The following RERE variants were observed in gnomAD, a reference collection of about 807,000 sequenced individuals.
The protein encoded by RERE is arginine-glutamic acid dipeptide repeats.
In RERE, 40 loss-of-function variants were observed where a neutral mutation model predicts 146.1. The observed-to-expected ratio is 0.27, with a 90% CI of 0.21 to 0.36. RERE has a LOEUF of 0.36. Among genes scored for constraint, RERE ranks in the 10% least tolerant of loss-of-function variants. The pLI is 1.00. For synonymous variants in RERE, 1,003 were observed against 866.0 expected (o/e 1.16, Z -2.78); for missense variants, 1,933 against 2,138.7 (o/e 0.90, Z 1.90).
At chr1:8,814,927 T>A (rs1641881924) in intron 1 of RERE, among the ~76,000 whole-genome samples, 1 of 152,222 alleles carries the variant, frequency 6.6e-6, no homozygotes, top group African/African-American at 2.4e-5. Context: ...AATGCAACCG[T>A]GCCTGTCAAA....
intron 10 of RERE, among the ~76,000 whole-genome samples, chr1:8,466,320 G>A (rs755187500): frequency 5.3e-5 from 8 of 152,198 alleles, no homozygotes; most frequent in East Asian, 1.9e-4. Flanking sequence ...GTTTGGCCCC[G>A]CCCAGTGCTC....
At chr1:8,789,301 A>AAAAAAAAATATATATAT in intron 1 of RERE, among the ~76,000 whole-genome samples, 1 of 24,826 alleles carries the variant, frequency 4.0e-5, no homozygotes, top group Non-Finnish European at 6.5e-5. Flanking sequence ...AAAAAAAAAA[A>AAAAAAAAATATATATAT]ATATATATAT....
At chr1:8,383,677 G>T (rs181684174) in intron 12 of RERE, among the ~76,000 whole-genome samples, 1 of 151,934 alleles carries the variant, frequency 6.6e-6, no homozygotes, top group Admixed American at 6.6e-5. Flanking sequence ...TGACCAACAC[G>T]GTGAAACTTT....
intron 10 of RERE, among the ~76,000 whole-genome samples, chr1:8,492,230 C>T (rs1250669498): frequency 1.3e-5 from 2 of 152,124 alleles, no homozygotes; most frequent in African/African-American, 4.8e-5. Flanking sequence ...ACAAAACCTT[C>T]AGAAGGAGCT....
chr1:8,680,645 A>G (rs1484162597), intron 1 of RERE, among the ~76,000 whole-genome samples: 2 of 152,174 alleles, frequency 1.3e-5, no homozygotes, highest in Admixed American at 6.5e-5. Flanking sequence ...GCTTCAGGGT[A>G]AAAAGGAAAG....
At chr1:8,362,450 A>G (rs1641620113) in intron 16 of RERE, among the ~76,000 whole-genome samples, 1 of 152,098 alleles carries the variant, frequency 6.6e-6, no homozygotes, top group East Asian at 1.9e-4. Flanking sequence ...ACTTTCTGAG[A>G]ACTTGGGAAG....
intron 1 of RERE, among the ~76,000 whole-genome samples, chr1:8,760,528 G>A (rs943802363): frequency 3.3e-5 from 5 of 152,170 alleles, no homozygotes; most frequent in African/African-American, 1.2e-4. Flanking sequence ...GGTGTGAAGG[G>A]TGAGAGGTCA....
chr1:8,815,835 GTGTGTGTA>G (rs1337274592), intron 1 of RERE, among the ~76,000 whole-genome samples: 8 of 150,086 alleles, frequency 5.3e-5, no homozygotes, highest in African/African-American at 1.5e-4. Flanking sequence ...GGTATTGTGT[GTGTGTGTA>G]TGTGTGTGTG....
intron 1 of RERE, among the ~76,000 whole-genome samples, chr1:8,682,561 T>A (rs1362750797): frequency 6.6e-6 from 1 of 152,244 alleles, no homozygotes; most frequent in Non-Finnish European, 1.5e-5. Flanking sequence ...TATGAGTGTA[T>A]TTCTTGATTT....
At position 8,706,254 on chromosome 1, in the gene RERE, G is replaced by A. The variant is rs372497164; in HGVS notation, c.-144-49813C>T. Among the ~76,000 whole-genome samples the A allele has an allele frequency of 2.0e-4, 30 of 151,938 alleles. 1 individual carries two copies. The highest frequency in any genetic ancestry group is 1.3e-3 in the Admixed American group (20 of 15,238). On this transcript the variant is annotated intron_variant, in intron 1 of 22. Coordinates refer to ENST00000400908, the MANE Select transcript of RERE (RefSeq NM_001042681.2). ...GGATCCTTTGAGCCTAGGAGTTTGA[G>A]TCCAGCAACATAACAAGACTCAGTC...
At chr1:8,782,604 T>A (rs1641185582) in intron 1 of RERE, among the ~76,000 whole-genome samples, 1 of 152,160 alleles carries the variant, frequency 6.6e-6, no homozygotes, top group Admixed American at 6.5e-5. Flanking sequence ...AACCTTGGTG[T>A]GTCCAAAGTA....
At chr1:8,764,770 T>A (rs74935722) in intron 1 of RERE, among the ~76,000 whole-genome samples, 1,822 of 152,276 alleles carry the variant, frequency 0.012, 30 homozygotes, top group African/African-American at 0.041. Flanking sequence ...CTCAACCTCA[T>A]TAGGGAAATG....
At position 8,355,447 on chromosome 1, in the gene RERE, G is replaced by A. The variant is rs748652775; in HGVS notation, c.4639C>T (p.His1547Tyr). The A allele has an allele frequency of 1.2e-6, 2 of 1,612,932 alleles. No individual in the cohort carries two copies. The highest frequency in any genetic ancestry group is 1.7e-6 in the Non-Finnish European group (2 of 1,180,002). ...TAATAATCTTCCTGACTTGGTAGGT[G>A]GCCACCATGCATGTGGGGGTGTCCA... Reference protein sequence around the residue: ...LHGHPHMHGGHLPSQEDYYSR... With the variant: ...LHGHPHMHGGYLPSQEDYYSR... Residue 1547 changes from histidine (H) to tyrosine (Y), a missense_variant, in exon 22 of 23, where the codon CAC (histidine) becomes TAC (tyrosine). By Grantham distance (83) the His-to-Tyr change is moderately conservative (BLOSUM62 2). Around this residue, in one of 11 missense-constraint regions of RERE, gnomAD observed 133 missense variants for 168.6 expected, o/e 0.79. Transcript: ENST00000400908.
intron 11 of RERE, among the ~76,000 whole-genome samples, chr1:8,443,618 C>T (rs1644281369): frequency 6.6e-6 from 1 of 152,142 alleles, no homozygotes. Context: ...ATTTCAAAGA[C>T]CTTCCCAGCA....
rs550925017 is a variant in RERE at position 8,549,616 on chromosome 1, A to G, written c.725+6859T>C. ...CTTAAAATCACTGGGTGAAAATTTA[A>G]GGAGATAAATGATTTGCAGAGTGTC... is the stretch of plus-strand genomic sequence containing the variant. On this transcript the variant is annotated intron_variant, in intron 6 of 22. Coordinates refer to ENST00000400908, the MANE Select transcript of RERE (RefSeq NM_001042681.2). Among the ~76,000 whole-genome samples, 5 of 152,368 alleles carry G rather than the reference A, an allele frequency of 3.3e-5. No homozygotes were observed. The South Asian group carries it at 1.0e-3, about 32-fold the overall frequency.
chr1:8,495,195 CATAG>C, intron 9 of RERE, 33 bp from the exon 10 acceptor site: 11 of 1,459,524 alleles, frequency 7.5e-6, no homozygotes, highest in Non-Finnish European at 1.1e-5. Flanking sequence ...TTTATTAGTA[CATAG>C]TAATATCAGG....
At chr1:8,543,350 T>C (rs1241477319) in intron 6 of RERE, among the ~76,000 whole-genome samples, 1 of 152,092 alleles carries the variant, frequency 6.6e-6, no homozygotes, top group Non-Finnish European at 1.5e-5. Flanking sequence ...AAGAAATAGG[T>C]TCCTTTAGCA....
intron 4 of RERE, among the ~76,000 whole-genome samples, chr1:8,585,500 A>C (rs1646416929): frequency 6.6e-6 from 1 of 152,208 alleles, no homozygotes; most frequent in African/African-American, 2.4e-5. Flanking sequence ...CAGGGATTTG[A>C]GAAGAGATGC....
In RERE at chr1:8,713,976, A is replaced by G. The variant is rs77084671; in HGVS notation, c.-144-57535T>C. 6.0e-3 allele frequency among the ~76,000 whole-genome samples: 910 copies of G among 152,312 alleles called. 7 individuals carry two copies. The highest frequency in any genetic ancestry group is 0.021 in the African/African-American group (884 of 41,564). On this transcript the variant is annotated intron_variant, in intron 1 of 22. Coordinates refer to ENST00000400908, the MANE Select transcript of RERE (RefSeq NM_001042681.2). ...TTAAGCCAAAAATATCCAAATATTA[A>G]TATTAAAATACACATAGCACATGAA...
Sources: gnomAD v4.1 joint callset for allele counts (sites outside exome capture counted in the v4.1 genomes callset) on GRCh38, gnomAD v4.1.1 for gene constraint, gnomAD v4.1.1 regional missense constraint, MANE v1.5 for transcripts, NCBI Gene and HGNC (gene_info 2026-07-23, HGNC 2026-07-21) for gene names.